GRIK4: variants seen among roughly 807,000 people sequenced by gnomAD.
GRIK4 encodes glutamate receptor ionotropic, kainate 4.
A neutral mutation model predicts 104.9 loss-of-function variants in GRIK4; 40 were observed. The observed-to-expected ratio is 0.38, with a 90% confidence interval of 0.30 to 0.50. The LOEUF (loss-of-function observed/expected upper bound fraction) is 0.50. GRIK4 is among the 20% of genes least tolerant of loss of function. The probability of loss-of-function intolerance (pLI) is 0.93; values close to 1 mark genes in which losing one functional copy is unlikely to be tolerated. For missense variants in GRIK4, 1,047 were observed against 1,308.1 expected (o/e 0.80, Z 3.08); for synonymous variants, 485 against 524.9 (o/e 0.92, Z 1.04).
chr11:120,598,946 C>T (rs1417944145), intron 1 of GRIK4, among the ~76,000 whole-genome samples: 1 of 152,220 alleles, frequency 6.6e-6, no homozygotes. Flanking sequence ...GACTCCTTCT[C>T]TTGATGGGAG....
intron 3 of GRIK4, among the ~76,000 whole-genome samples, chr11:120,678,730 T>A (rs1950143277): frequency 6.6e-6 from 1 of 151,280 alleles, no homozygotes; most frequent in Admixed American, 6.6e-5. Flanking sequence ...ACCCACCGGG[T>A]TCAAGCAATT....
chr11:120,561,425 C>CT (rs1948237459), intron 1 of GRIK4, among the ~76,000 whole-genome samples: 1 of 152,244 alleles, frequency 6.6e-6, no homozygotes, highest in South Asian at 2.1e-4. Context: ...CCAGCAAGGC[C>CT]TCTGCCTGGG....
At chr11:120,918,341 T>G (rs1381306027) in intron 13 of GRIK4, among the ~76,000 whole-genome samples, 1 of 152,244 alleles carries the variant, frequency 6.6e-6, no homozygotes, top group Non-Finnish European at 1.5e-5. Context: ...CATTCTGATG[T>G]ACTTACCATC....
chr11:120,624,259 C>T (rs1025941204), intron 1 of GRIK4, among the ~76,000 whole-genome samples: 1 of 152,100 alleles, frequency 6.6e-6, no homozygotes, highest in African/African-American at 2.4e-5. Flanking sequence ...GCAGGGGCCA[C>T]CCCAATAGAG....
At position 120,626,533 on chromosome 11, in the gene GRIK4, C is replaced by G. The variant is rs553010930; in HGVS notation, c.-158-27152C>G. Among the ~76,000 whole-genome samples, 3 of 152,188 alleles carry G rather than the reference C, an allele frequency of 2.0e-5. No homozygotes were observed. The South Asian group carries it at 6.2e-4, about 32-fold the overall frequency. ...AGCCGCACAGGGTGGCTCTAGGACC[C>G]AGGATCTTTTGGCCTTACCTTTGGT... On this transcript the variant is annotated intron_variant, in intron 1 of 20. Coordinates refer to ENST00000527524, the MANE Select transcript of GRIK4 (RefSeq NM_014619.5).
At chr11:120,599,495 A>C (rs770111898) in intron 1 of GRIK4, among the ~76,000 whole-genome samples, 2 of 152,212 alleles carry the variant, frequency 1.3e-5, no homozygotes, top group Non-Finnish European at 2.9e-5. Context: ...GATGAAGACC[A>C]GAGGGTTTTA....
chr11:120,729,995 TC>T (rs1951100713), intron 3 of GRIK4, among the ~76,000 whole-genome samples: 1 of 152,214 alleles, frequency 6.6e-6, no homozygotes, highest in African/African-American at 2.4e-5. Context: ...TATCTAGCTT[TC>T]CCAGCAACAT....
At chr11:120,622,561 T>TC (rs1481185901) in intron 1 of GRIK4, among the ~76,000 whole-genome samples, 1 of 152,250 alleles carries the variant, frequency 6.6e-6, no homozygotes, top group Non-Finnish European at 1.5e-5. Context: ...CCCTGATAGT[T>TC]CTTATTTTCT....
At chr11:120,678,890 C>A (rs1479010624) in intron 3 of GRIK4, among the ~76,000 whole-genome samples, 1 of 151,744 alleles carries the variant, frequency 6.6e-6, no homozygotes, top group East Asian at 1.9e-4. Context: ...GCCTCGGCCT[C>A]CCAAAGTGCT....
chr11:120,664,080 A>G (rs1949864600), intron 3 of GRIK4, among the ~76,000 whole-genome samples: 1 of 152,252 alleles, frequency 6.6e-6, no homozygotes, highest in Non-Finnish European at 1.5e-5. Context: ...GGTGCAGTTT[A>G]ATGAATGTGA....
intron 18 of GRIK4, among the ~76,000 whole-genome samples, chr11:120,963,993 T>TATTTATG (rs1565466446): frequency 1.1e-4 from 1 of 8,932 alleles, no homozygotes; most frequent in Admixed American, 1.4e-3. Context: ...ATTTATTTAT[T>TATTTATG]TATTTTTATT....
At chr11:120,974,379 A>G (rs1944527033) in intron 19 of GRIK4, among the ~76,000 whole-genome samples, 1 of 152,202 alleles carries the variant, frequency 6.6e-6, no homozygotes, top group Non-Finnish European at 1.5e-5. Flanking sequence ...GGAGAGAAAT[A>G]TGGAATGGGC....
At chr11:120,904,535 G>A (rs748147795) in intron 12 of GRIK4, among the ~76,000 whole-genome samples, 6 of 152,320 alleles carry the variant, frequency 3.9e-5, no homozygotes, top group South Asian at 2.1e-4. Flanking sequence ...GCAGCCTTGC[G>A]TCTTTAAAAC....
chr11:120,569,171 T>C (rs1405334566), intron 1 of GRIK4, among the ~76,000 whole-genome samples: 1 of 152,188 alleles, frequency 6.6e-6, no homozygotes, highest in Non-Finnish European at 1.5e-5. Context: ...GCGGGGCAAC[T>C]GGCAGTGCTA....
At chr11:120,880,607 C>T (rs115601049) in intron 11 of GRIK4, among the ~76,000 whole-genome samples, 1,614 of 152,288 alleles carry the variant, frequency 0.011, 21 homozygotes, top group African/African-American at 0.037. Context: ...TCATGGATTC[C>T]TCCAACCCAG....
chr11:120,680,283 G>A (rs1950167732), intron 3 of GRIK4, among the ~76,000 whole-genome samples: 1 of 152,108 alleles, frequency 6.6e-6, no homozygotes, highest in Middle Eastern at 3.2e-3. Context: ...TTGCCATGTT[G>A]GCCAGGCTGG....
intron 1 of GRIK4, among the ~76,000 whole-genome samples, chr11:120,628,448 C>T (rs75193636): frequency 6.6e-6 from 1 of 152,170 alleles, no homozygotes; most frequent in East Asian, 1.9e-4. Context: ...GTTCCCTGGG[C>T]CTCCCTGACC....
chr11:120,568,691 A>G (rs990794345), intron 1 of GRIK4, among the ~76,000 whole-genome samples: 3 of 152,118 alleles, frequency 2.0e-5, no homozygotes, highest in African/African-American at 7.2e-5. Context: ...CCAGGCCTCC[A>G]GTTACTCTTT....
intron 16 of GRIK4, among the ~76,000 whole-genome samples, chr11:120,957,158 A>C (rs908338489): frequency 5.9e-5 from 9 of 151,844 alleles, no homozygotes; most frequent in African/African-American, 2.2e-4. Context: ...CCTTCCCCTT[A>C]CTCTCTGGGG....
Sources: allele counts gnomAD v4.1 joint callset (sites outside exome capture counted in the v4.1 genomes callset), GRCh38; gene constraint gnomAD v4.1.1; transcripts MANE v1.5; gene names NCBI Gene and HGNC (gene_info 2026-07-23, HGNC 2026-07-21).